Variants in TMEM108 observed in about 807,000 individuals in gnomAD.
TMEM108 encodes the protein transmembrane protein 108, also known as cancer/testis antigen 124.
In TMEM108, 12 loss-of-function variants were observed where a neutral mutation model predicts 35.1. That is an observed-to-expected ratio of 0.34 (90% confidence interval 0.22 to 0.55). The LOEUF (loss-of-function observed/expected upper bound fraction) is 0.55, where lower values mean the gene tolerates loss of function less well. TMEM108 is among the 20% of genes least tolerant of loss of function. TMEM108 has a pLI of 0.89. For synonymous variants in TMEM108, 287 were observed against 308.6 expected, an observed-to-expected ratio of 0.93 and a Z score of 0.73; for missense variants, 680 against 753.3, an observed-to-expected ratio of 0.90 and a Z score of 1.14.
intron 2 of TMEM108, among the ~76,000 whole-genome samples, chr3:133,124,315 A>C (rs1039466395): frequency 1.3e-5 from 2 of 152,376 alleles, no homozygotes; most frequent in South Asian, 4.1e-4. Context: ...TGTGACGTAC[A>C]TGGCAAAATG....
intron 2 of TMEM108, among the ~76,000 whole-genome samples, chr3:133,074,795 C>T (rs1203940471): frequency 1.3e-5 from 2 of 151,996 alleles, no homozygotes; most frequent in African/African-American, 2.4e-5. Flanking sequence ...GGCCACAAAG[C>T]CTATTTTATA....
At chr3:133,171,947 T>C (rs1470335564) in intron 2 of TMEM108, among the ~76,000 whole-genome samples, 2 of 152,240 alleles carry the variant, frequency 1.3e-5, no homozygotes, top group South Asian at 4.1e-4. Context: ...TTATCTACTT[T>C]AGTGTCTCAT....
At chr3:133,369,032 A>G (rs1347255691) in intron 3 of TMEM108, among the ~76,000 whole-genome samples, 1 of 152,194 alleles carries the variant, frequency 6.6e-6, no homozygotes, top group Non-Finnish European at 1.5e-5. Flanking sequence ...TTTCCTTCTC[A>G]TACAGCTGAG....
intron 3 of TMEM108, among the ~76,000 whole-genome samples, chr3:133,290,303 C>A (rs974434982): frequency 6.6e-6 from 1 of 152,134 alleles, no homozygotes; most frequent in Admixed American, 6.6e-5. Context: ...TAACCCTTTT[C>A]TATGAGACTT....
chr3:133,049,831 C>T (rs1429947106), intron 2 of TMEM108, among the ~76,000 whole-genome samples: 3 of 152,122 alleles, frequency 2.0e-5, no homozygotes, highest in Admixed American at 6.5e-5. Flanking sequence ...AGAAAATTTT[C>T]ACCTCCCCTA....
rs191553082 is a variant in TMEM108, at chr3:133,293,723, A to C, written c.40+64372A>C. Among the ~76,000 whole-genome samples, 5 of 152,168 alleles carry C rather than the reference A, an allele frequency of 3.3e-5. No individual in the cohort carries two copies. The East Asian group carries it at 9.7e-4, about 29-fold the overall frequency. Reference sequence around the variant, plus strand: ...AAGTCCATTTTCTTTTTCTCCACTTACATGAAATTGAAGTAGAACATGCCT... The same window carrying C: ...AAGTCCATTTTCTTTTTCTCCACTTCCATGAAATTGAAGTAGAACATGCCT... On this transcript the variant is annotated intron_variant, in intron 3 of 5. Transcript: ENST00000321871.
chr3:133,178,051 C>T (rs1178609901), intron 2 of TMEM108, among the ~76,000 whole-genome samples: 1 of 152,028 alleles, frequency 6.6e-6, no homozygotes, highest in Non-Finnish European at 1.5e-5. Flanking sequence ...CATGAGTGAA[C>T]TCCCATTCAC....
At chr3:133,258,008 T>C (rs1453264041) in intron 3 of TMEM108, among the ~76,000 whole-genome samples, 2 of 152,152 alleles carry the variant, frequency 1.3e-5, no homozygotes, top group Admixed American at 1.3e-4. Context: ...ATTTATAACC[T>C]GCTGTAGACT....
chr3:133,078,827 T>C (rs1320586514), intron 2 of TMEM108, among the ~76,000 whole-genome samples: 1 of 152,198 alleles, frequency 6.6e-6, no homozygotes, highest in Admixed American at 6.5e-5. Context: ...TAGTTGGATC[T>C]TGTAGGAAAA....
chr3:133,147,961 G>A (rs912927180), intron 2 of TMEM108, among the ~76,000 whole-genome samples: 7 of 151,452 alleles, frequency 4.6e-5, no homozygotes, highest in African/African-American at 1.5e-4. Context: ...TCTGAATGCC[G>A]TGATAAATCC....
intron 3 of TMEM108, among the ~76,000 whole-genome samples, chr3:133,282,471 T>C (rs755310248): frequency 2.5e-4 from 38 of 152,236 alleles, no homozygotes; most frequent in African/African-American, 8.9e-4. Context: ...CATGTTTCTT[T>C]ACACAGTCAT....
At chr3:133,212,099 T>A (rs2107840233) in intron 2 of TMEM108, among the ~76,000 whole-genome samples, 1 of 152,248 alleles carries the variant, frequency 6.6e-6, no homozygotes, top group Non-Finnish European at 1.5e-5. Context: ...TGCCTCAGTA[T>A]AAATCCCTCC....
chr3:133,326,438 C>T lies in TMEM108; in HGVS notation c.41-53314C>T, dbSNP rs150518605. On this transcript the variant is annotated intron_variant, in intron 3 of 5. Transcript: ENST00000321871. The stretch of plus-strand genomic sequence containing the variant: ...CCTTTGGAATTATAACAACCTTCAC[C>T]GGGAGTCTCACCTTCCCTTTAGTAG... Among the ~76,000 whole-genome samples the T allele has an allele frequency of 9.2e-5, 14 of 152,252 alleles. No individual in the cohort carries two copies. The East Asian group carries it at 1.9e-3, about 21-fold the overall frequency.
chr3:133,358,170 T>C (rs967328648), intron 3 of TMEM108, among the ~76,000 whole-genome samples: 17 of 642 alleles, frequency 0.026, no homozygotes, highest in African/African-American at 0.029. Context: ...GTCTATGGTC[T>C]TTTTTTTTTT....
chr3:133,200,766 C>T (rs1157354349), intron 2 of TMEM108, among the ~76,000 whole-genome samples: 1 of 152,124 alleles, frequency 6.6e-6, no homozygotes, highest in Non-Finnish European at 1.5e-5. Context: ...CCACATTTGT[C>T]CCAGCCTTTA....
intron 3 of TMEM108, among the ~76,000 whole-genome samples, chr3:133,267,094 A>AC (rs1270243885): frequency 6.6e-6 from 1 of 151,508 alleles, no homozygotes; most frequent in Non-Finnish European, 1.5e-5. Context: ...AAAAAAAAAA[A>AC]AAGAACTCCC....
intron 3 of TMEM108, among the ~76,000 whole-genome samples, chr3:133,363,115 C>G (rs971253597): frequency 1.3e-5 from 2 of 152,196 alleles, no homozygotes; most frequent in African/African-American, 4.8e-5. Context: ...CCTGCCTTTT[C>G]TCCAATACTA....
intron 3 of TMEM108, among the ~76,000 whole-genome samples, chr3:133,239,560 G>A (rs1946284968): frequency 6.6e-6 from 1 of 152,070 alleles, no homozygotes. Flanking sequence ...TTTGATCTCT[G>A]GTTCTTAAAC....
At chr3:133,251,612 G>A (rs181471174) in intron 3 of TMEM108, among the ~76,000 whole-genome samples, 87 of 152,216 alleles carry the variant, frequency 5.7e-4, no homozygotes, top group Non-Finnish European at 1.1e-3. Flanking sequence ...TTCAATGCCG[G>A]CCTTCAAGGT....
Sources: allele counts gnomAD v4.1 joint callset (sites outside exome capture counted in the v4.1 genomes callset), GRCh38; gene constraint gnomAD v4.1.1; transcripts MANE v1.5; gene names NCBI Gene and HGNC (gene_info 2026-07-23, HGNC 2026-07-21).